The following SEMA3C variants were observed in gnomAD, a reference collection of about 807,000 sequenced individuals.
SEMA3C encodes semaphorin-3C.
In SEMA3C, 47 loss-of-function variants were observed where a neutral mutation model predicts 89.4. The ratio of observed to expected loss-of-function variants is 0.53; its 90% CI spans 0.42 to 0.67. The LOEUF is 0.67. SEMA3C is among the 30% of genes least tolerant of loss of function. The pLI is 0.00. For synonymous variants in SEMA3C, 310 were observed against 320.2 expected (o/e 0.97, Z 0.34); for missense variants, 839 against 929.1 (o/e 0.90, Z 1.26).
At chr7:80,800,339 C>T (rs761790588) in intron 10 of SEMA3C, among the ~76,000 whole-genome samples, 6 of 151,954 alleles carry the variant, frequency 3.9e-5, no homozygotes, top group Non-Finnish European at 7.4e-5. Context: ...TATACAATGT[C>T]GTAAGTTCAG....
chr7:80,888,128 T>C (rs1242346834), intron 2 of SEMA3C, among the ~76,000 whole-genome samples: 1 of 152,016 alleles, frequency 6.6e-6, no homozygotes, highest in Non-Finnish European at 1.5e-5. Context: ...AAAGAAATAA[T>C]TGGCCAAGTG....
chr7:80,863,818 TATATGTG>T (rs1312642831), intron 2 of SEMA3C, among the ~76,000 whole-genome samples: 1 of 117,356 alleles, frequency 8.5e-6, no homozygotes, highest in Non-Finnish European at 1.7e-5. Context: ...GTGATACATA[TATATGTG>T]ATATGTGATA....
intron 12 of SEMA3C, among the ~76,000 whole-genome samples, chr7:80,771,195 G>C (rs1788424324): frequency 6.6e-6 from 1 of 152,174 alleles, no homozygotes; most frequent in Non-Finnish European, 1.5e-5. Context: ...TTATGTTTTA[G>C]TTTTAGCTCC....
chr7:80,870,483 T>C (rs748413772), intron 2 of SEMA3C, among the ~76,000 whole-genome samples: 4 of 152,212 alleles, frequency 2.6e-5, no homozygotes, highest in Non-Finnish European at 4.4e-5. Flanking sequence ...GCCATTTAGC[T>C]GCAAAGCGAA....
intron 2 of SEMA3C, among the ~76,000 whole-genome samples, chr7:80,912,668 G>C (rs2116244916): frequency 6.6e-6 from 1 of 152,162 alleles, no homozygotes; most frequent in East Asian, 1.9e-4. Context: ...ATCATAAGGA[G>C]ACTTAAAAGA....
chr7:80,783,513 C>A (rs569498176), intron 12 of SEMA3C, among the ~76,000 whole-genome samples: 2 of 152,130 alleles, frequency 1.3e-5, no homozygotes, highest in African/African-American at 4.8e-5. Context: ...TTTTTCCTTA[C>A]GCCAAAGCAA....
At chr7:80,829,190 G>A (rs137888129) in intron 2 of SEMA3C, among the ~76,000 whole-genome samples, 10 of 152,020 alleles carry the variant, frequency 6.6e-5, no homozygotes, top group Non-Finnish European at 1.5e-4. Context: ...ATGTTAATGG[G>A]CATTTTAATT....
At chr7:80,811,644 T>C (rs1789471575) in intron 5 of SEMA3C, among the ~76,000 whole-genome samples, 1 of 152,056 alleles carries the variant, frequency 6.6e-6, no homozygotes, top group Admixed American at 6.6e-5. Context: ...CTGAAAGAAA[T>C]ATGAAGTCAA....
chr7:80,854,321 G>GGTAC (rs1205909883), intron 2 of SEMA3C, among the ~76,000 whole-genome samples: 1 of 152,120 alleles, frequency 6.6e-6, no homozygotes, highest in African/African-American at 2.4e-5. Flanking sequence ...AGCTCATGAA[G>GGTAC]GTACAGGAAA....
At chr7:80,905,119 T>A (rs1791974388) in intron 2 of SEMA3C, among the ~76,000 whole-genome samples, 1 of 150,714 alleles carries the variant, frequency 6.6e-6, no homozygotes, top group Admixed American at 6.6e-5. Flanking sequence ...TGTTTTGAAC[T>A]CCTGATATTT....
upstream of SEMA3C, among the ~76,000 whole-genome samples, chr7:80,920,303 C>G (rs1475860490): frequency 6.6e-6 from 1 of 152,192 alleles, no homozygotes; most frequent in Non-Finnish European, 1.5e-5. Flanking sequence ...CTTAAAATCA[C>G]TGTGGGGCAC....
intron 2 of SEMA3C, among the ~76,000 whole-genome samples, chr7:80,890,041 A>G (rs1024897680): frequency 6.6e-6 from 1 of 152,220 alleles, no homozygotes; most frequent in African/African-American, 2.4e-5. Context: ...AAGAGAAACC[A>G]TTTGTTTTCA....
At chr7:80,856,536 G>GAAAAA (rs397970593) in intron 2 of SEMA3C, among the ~76,000 whole-genome samples, 4 of 49,176 alleles carry the variant, frequency 8.1e-5, no homozygotes, top group East Asian at 1.1e-3. Context: ...ATTGGTTAAG[G>GAAAAA]AAAAAAAAAA....
chr7:80,884,481 G>C (rs1447721136), intron 2 of SEMA3C, among the ~76,000 whole-genome samples: 1 of 152,094 alleles, frequency 6.6e-6, no homozygotes, highest in East Asian at 1.9e-4. Context: ...GATTCAAAAG[G>C]ATGAATAAAT....
At chr7:80,900,491 T>C (rs1028090970) in intron 2 of SEMA3C, among the ~76,000 whole-genome samples, 3 of 152,222 alleles carry the variant, frequency 2.0e-5, no homozygotes, top group African/African-American at 7.2e-5. Flanking sequence ...TTCACAATGA[T>C]ATTATCAGGT....
chr7:80,744,720 G>C lies in SEMA3C; in HGVS notation c.*174C>G. ...GAGGACCATGACATGTCTAGTGCTA[G>C]TCACTATCATACAAGAAAATGCATG... On this transcript the variant is annotated 3_prime_UTR_variant, in exon 18 of 18. Coordinates refer to ENST00000265361, the MANE Select transcript of SEMA3C (RefSeq NM_006379.5). 1.5e-6 allele frequency: 1 copy of C among 663,722 alleles called. No homozygotes were observed. Among genetic ancestry groups the C allele is most frequent in the Non-Finnish European group, 2.6e-6 (1 of 383,452 alleles). 41.1% of individuals were successfully genotyped at this position (663,722 alleles called of 1,614,324 possible).
At chr7:80,827,281 G>C (rs1388355073) in intron 4 of SEMA3C, 144 bp downstream of exon 4, 1 of 743,484 alleles carries the variant, frequency 1.3e-6, no homozygotes, top group Admixed American at 3.7e-5. Context: ...GTCTCCTCAA[G>C]GTTTAGGTTT....
At chr7:80,895,655 T>C (rs1245145313) in intron 2 of SEMA3C, among the ~76,000 whole-genome samples, 1 of 152,104 alleles carries the variant, frequency 6.6e-6, no homozygotes, top group African/African-American at 2.4e-5. Context: ...AATTTAAACA[T>C]AAAAGGGTCT....
intron 11 of SEMA3C, among the ~76,000 whole-genome samples, chr7:80,792,339 G>T (rs1290079006): frequency 6.6e-6 from 1 of 152,186 alleles, no homozygotes; most frequent in Non-Finnish European, 1.5e-5. Context: ...CATGGAAAGA[G>T]CAATGCATGG....
Sources: allele counts gnomAD v4.1 joint callset (sites outside exome capture counted in the v4.1 genomes callset), GRCh38; gene constraint gnomAD v4.1.1; transcripts MANE v1.5; gene names NCBI Gene and HGNC (gene_info 2026-07-23, HGNC 2026-07-21).